The following FSTL5 variants were observed in gnomAD, a reference collection of about 807,000 sequenced individuals.
FSTL5 encodes follistatin-related protein 5.
FSTL5 carries 62 observed loss-of-function variants against 89.1 expected under a neutral mutation model. That is an observed-to-expected ratio of 0.70 (90% CI 0.57 to 0.86). The LOEUF is 0.86. Among genes scored for constraint, FSTL5 ranks in the 40% least tolerant of loss-of-function variants. FSTL5 has a pLI of 0.00. For synonymous variants in FSTL5, 383 were observed against 346.2 expected, an observed-to-expected ratio of 1.11 and a Z score of -1.18; for missense variants, 1,057 against 1,001.6, an observed-to-expected ratio of 1.06 and a Z score of -0.75.
chr4:161,507,433 A>C (rs1240651528), intron 11 of FSTL5, among the ~76,000 whole-genome samples: 1 of 151,794 alleles, frequency 6.6e-6, no homozygotes, highest in Non-Finnish European at 1.5e-5. Flanking sequence ...CTATAATTTA[A>C]TATATAGTAA....
chr4:162,144,015 C>G (rs73863206), intron 1 of FSTL5, among the ~76,000 whole-genome samples: 1,676 of 152,004 alleles, frequency 0.011, 33 homozygotes, highest in African/African-American at 0.038. Context: ...GGGTGATGGC[C>G]CAAGTAAAGA....
chr4:161,929,022 A>G (rs531419713), intron 3 of FSTL5, among the ~76,000 whole-genome samples: 72 of 151,862 alleles, frequency 4.7e-4, no homozygotes, highest in African/African-American at 1.6e-3. Flanking sequence ...ATAGTTGTGC[A>G]TATTGCATTT....
chr4:161,514,259 A>AGACACACACACC (rs1730744064), intron 10 of FSTL5, among the ~76,000 whole-genome samples: 1 of 152,016 alleles, frequency 6.6e-6, no homozygotes, highest in Admixed American at 6.6e-5. Flanking sequence ...ACACAGACAC[A>AGACACACACACC]GACACACACA....
intron 2 of FSTL5, among the ~76,000 whole-genome samples, chr4:162,073,211 C>G (rs1049505442): frequency 6.6e-6 from 1 of 151,674 alleles, no homozygotes; most frequent in Non-Finnish European, 1.5e-5. Context: ...ATCTGTTTCA[C>G]TGTAGAACTA....
intron 15 of FSTL5, among the ~76,000 whole-genome samples, chr4:161,397,895 C>T (rs1731059957): frequency 6.6e-6 from 1 of 151,754 alleles, no homozygotes; most frequent in Non-Finnish European, 1.5e-5. Flanking sequence ...GATCTATAAA[C>T]ATCAGAAGAT....
chr4:161,727,945 T>C (rs986568739), intron 6 of FSTL5, among the ~76,000 whole-genome samples: 7 of 152,216 alleles, frequency 4.6e-5, no homozygotes, highest in Non-Finnish European at 7.4e-5. Context: ...TTCGCACCAT[T>C]GCACTCCAGC....
At chr4:161,525,402 T>C (rs1731182653) in intron 10 of FSTL5, among the ~76,000 whole-genome samples, 1 of 152,166 alleles carries the variant, frequency 6.6e-6, no homozygotes, top group East Asian at 1.9e-4. Flanking sequence ...GTCTCTTTTC[T>C]AATGTACAAT....
intron 1 of FSTL5, among the ~76,000 whole-genome samples, chr4:162,151,942 T>G (rs896373692): frequency 6.6e-6 from 1 of 152,212 alleles, no homozygotes; most frequent in Admixed American, 6.6e-5. Context: ...TACTGATTTT[T>G]AGACAGTTTT....
At chr4:161,459,095 A>T (rs1733468628) in intron 14 of FSTL5, 117 bp downstream of exon 14, 3 of 702,946 alleles carry the variant, frequency 4.3e-6, no homozygotes, top group Admixed American at 2.6e-5. Flanking sequence ...TCTAGTTATG[A>T]TTAAAGCTGT....
intron 15 of FSTL5, among the ~76,000 whole-genome samples, chr4:161,413,390 T>A (rs1731665463): frequency 6.7e-6 from 1 of 150,196 alleles, no homozygotes; most frequent in Non-Finnish European, 1.5e-5. Context: ...CTAAGACCAG[T>A]CAGAATGGCC....
rs567208492 is a variant in FSTL5, at chr4:161,455,553, TA to T, written c.1717-426del. On this transcript the variant is annotated intron_variant, in intron 14 of 15. Coordinates refer to ENST00000306100, the MANE Select transcript of FSTL5 (RefSeq NM_020116.5). ...TCCAAATAAATCATATGAAACATTT[TA>T]AATTTTTAAAATCTTGGAATACATA... 6.2e-3 allele frequency among the ~76,000 whole-genome samples: 943 copies of T among 152,288 alleles called. 3 individuals are homozygous for T. Among genetic ancestry groups the T allele is most frequent in the Non-Finnish European group, 0.01 (684 of 68,010 alleles).
At chr4:161,691,756 AG>A (rs1737951659) in intron 6 of FSTL5, among the ~76,000 whole-genome samples, 1 of 152,000 alleles carries the variant, frequency 6.6e-6, no homozygotes, top group Non-Finnish European at 1.5e-5. Flanking sequence ...ATTATTTCCT[AG>A]ATATTTTATT....
intron 6 of FSTL5, among the ~76,000 whole-genome samples, chr4:161,666,143 A>G (rs1256249104): frequency 6.6e-6 from 1 of 152,114 alleles, no homozygotes; most frequent in Non-Finnish European, 1.5e-5. Flanking sequence ...GATAATTGCC[A>G]CCCACAAAAC....
At chr4:161,655,627 A>G (rs1462499159) in intron 7 of FSTL5, among the ~76,000 whole-genome samples, 2 of 152,154 alleles carry the variant, frequency 1.3e-5, no homozygotes, top group Non-Finnish European at 2.9e-5. Context: ...GTAAAAAAGA[A>G]TATCTATTAG....
At chr4:161,420,644 T>C (rs573183177) in intron 15 of FSTL5, among the ~76,000 whole-genome samples, 8 of 151,802 alleles carry the variant, frequency 5.3e-5, no homozygotes, top group African/African-American at 1.9e-4. Context: ...CAATACCATA[T>C]ATATGCTGTA....
chr4:162,157,571 G>A lies in FSTL5; in HGVS notation c.-17+6044C>T, dbSNP rs561595345. Among the ~76,000 whole-genome samples, 22 of 151,982 alleles carry A rather than the reference G, an allele frequency of 1.4e-4. 1 individual carries two copies. The South Asian group carries it at 3.7e-3, about 26-fold the overall frequency. On this transcript the variant is annotated intron_variant, in intron 1 of 15. Coordinates refer to ENST00000306100, the MANE Select transcript of FSTL5 (RefSeq NM_020116.5). ...TTACACGAATGGTATACACAATCTC[G>A]TAAAAATTCCAAGATTAAAAACATT...
At chr4:161,556,577 G>A (rs938336701) in intron 8 of FSTL5, among the ~76,000 whole-genome samples, 1 of 151,328 alleles carries the variant, frequency 6.6e-6, no homozygotes. Flanking sequence ...ACATTATGAG[G>A]AAAGAATAAG....
chr4:162,120,259 T>C (rs1403566473), intron 1 of FSTL5, among the ~76,000 whole-genome samples: 1 of 152,106 alleles, frequency 6.6e-6, no homozygotes, highest in East Asian at 1.9e-4. Flanking sequence ...CTTAGTTCCA[T>C]TATTTTGTTT....
chr4:161,428,687 A>G (rs574835951), intron 15 of FSTL5, among the ~76,000 whole-genome samples: 66 of 152,140 alleles, frequency 4.3e-4, no homozygotes, highest in African/African-American at 1.4e-3. Context: ...CCTGCTGACT[A>G]AAGAGCCATT....
Sources: allele counts gnomAD v4.1 joint callset (sites outside exome capture counted in the v4.1 genomes callset), GRCh38; gene constraint gnomAD v4.1.1; transcripts MANE v1.5; gene names NCBI Gene and HGNC (gene_info 2026-07-23, HGNC 2026-07-21).